The following GLIS3 variants were observed in gnomAD, a reference collection of about 807,000 sequenced individuals.
GLIS3 encodes the protein zinc finger protein GLIS3.
GLIS3 carries 53 observed loss-of-function variants against 78.6 expected under a neutral mutation model. The ratio of observed to expected loss-of-function variants is 0.67; its 90% CI spans 0.54 to 0.85. The LOEUF (loss-of-function observed/expected upper bound fraction) is 0.85, where lower values mean the gene tolerates loss of function less well. GLIS3 is among the 40% of genes least tolerant of loss of function. The probability of loss-of-function intolerance (pLI) is 0.00; values close to 1 mark genes in which losing one functional copy is unlikely to be tolerated. For synonymous variants in GLIS3, 684 were observed against 509.9 expected (o/e 1.34, Z -4.60); for missense variants, 1,703 against 1,231.1 (o/e 1.38, Z -5.74).
chr9:4,115,884 AGTGG>A, intron 4 of GLIS3, among the ~76,000 whole-genome samples: 1 of 152,322 alleles, frequency 6.6e-6, no homozygotes, highest in East Asian at 1.9e-4. Context: ...TCCACCTAGA[AGTGG>A]GGAGTGGGCA....
At chr9:4,321,234 C>A (rs1176709834) in intron 2 of GLIS3, among the ~76,000 whole-genome samples, 2 of 142,152 alleles carry the variant, frequency 1.4e-5, no homozygotes, top group African/African-American at 2.8e-5. Flanking sequence ...TCCTGGCTAA[C>A]ACGGTGAAAC....
At chr9:4,436,745 G>T in the GLIS3 span, among the ~76,000 whole-genome samples, 2 of 140,436 alleles carry the variant, frequency 1.4e-5, no homozygotes, top group Admixed American at 7.8e-5. Flanking sequence ...GGCAGATGTT[G>T]CAGTGAGCCG....
At chr9:4,163,702 G>T (rs1358491164) in intron 2 of GLIS3, among the ~76,000 whole-genome samples, 1 of 152,154 alleles carries the variant, frequency 6.6e-6, no homozygotes, top group Non-Finnish European at 1.5e-5. Flanking sequence ...TTAAATGGAG[G>T]TAATAAAAGC....
intron 2 of GLIS3, among the ~76,000 whole-genome samples, chr9:4,218,030 C>T (rs1821003094): frequency 6.6e-6 from 1 of 152,188 alleles, no homozygotes; most frequent in Non-Finnish European, 1.5e-5. Context: ...GATTCTGCTA[C>T]AAAAGAGATA....
intron 2 of GLIS3, among the ~76,000 whole-genome samples, chr9:4,283,680 T>C (rs778569698): frequency 3.3e-5 from 5 of 152,210 alleles, no homozygotes; most frequent in South Asian, 4.1e-4. Flanking sequence ...ACCCATAATA[T>C]ATGCTCAATA....
the GLIS3 span, among the ~76,000 whole-genome samples, chr9:4,385,582 T>C: frequency 6.6e-6 from 1 of 150,394 alleles, no homozygotes; most frequent in Non-Finnish European, 1.5e-5. Context: ...GGAGAAATGC[T>C]TGAACCTAGG....
chr9:4,419,724 G>A, the GLIS3 span, among the ~76,000 whole-genome samples: 2 of 152,080 alleles, frequency 1.3e-5, no homozygotes, highest in African/African-American at 2.4e-5. Context: ...AAGTTGCAGT[G>A]AGCCGAGATC....
At chr9:4,415,457 G>C in the GLIS3 span, among the ~76,000 whole-genome samples, 1 of 152,234 alleles carries the variant, frequency 6.6e-6, no homozygotes, top group African/African-American at 2.4e-5. Context: ...CTTCTAAACA[G>C]ATGGATGTTA....
In GLIS3 at chr9:3,978,861, C is replaced by G. The variant is rs544204435; in HGVS notation, c.1711-41672G>C. ...TCCACATGTGCACAAAACCAACCCT[C>G]AGATTAGAAATATTTTTTAAAAATA... On this transcript the variant is annotated intron_variant, in intron 4 of 10. Coordinates refer to ENST00000381971, the MANE Select transcript of GLIS3 (RefSeq NM_001042413.2). Among the ~76,000 whole-genome samples the G allele has an allele frequency of 3.3e-5, 5 of 152,068 alleles. No homozygotes were observed. In the South Asian group the frequency reaches 1.0e-3, roughly 32 times the overall value.
intron 4 of GLIS3, among the ~76,000 whole-genome samples, chr9:4,030,090 A>G (rs2130253650): frequency 6.6e-6 from 1 of 152,242 alleles, no homozygotes; most frequent in East Asian, 1.9e-4. Context: ...CTTTTTCTCC[A>G]CATCCTCACT....
At chr9:4,071,114 T>G (rs928473787) in intron 4 of GLIS3, 6 of 152,210 alleles carry the variant, frequency 3.9e-5, no homozygotes, top group African/African-American at 1.4e-4. Context: ...ACTCAGGAAT[T>G]AGCAATTATC....
At chr9:3,905,012 T>G (rs1269921336) in intron 6 of GLIS3, among the ~76,000 whole-genome samples, 2 of 150,808 alleles carry the variant, frequency 1.3e-5, no homozygotes, top group South Asian at 2.1e-4. Flanking sequence ...TTGCTCTGTC[T>G]CCCAGGCCGG....
intron 4 of GLIS3, among the ~76,000 whole-genome samples, chr9:3,990,545 T>C (rs1444975503): frequency 6.6e-6 from 1 of 152,182 alleles, no homozygotes; most frequent in African/African-American, 2.4e-5. Flanking sequence ...GAAGTTCCCA[T>C]TAAGTAGGAG....
intron 1 of GLIS3, among the ~76,000 whole-genome samples, chr9:4,298,050 GCGAGGGAGCGAA>G (rs1221722496): frequency 6.6e-6 from 1 of 152,172 alleles, no homozygotes; most frequent in Non-Finnish European, 1.5e-5. Context: ...GCGCGAGCGA[GCGAGGGAGCGAA>G]CGCAGCGCAA....
intron 4 of GLIS3, among the ~76,000 whole-genome samples, chr9:3,953,925 A>G (rs1394922840): frequency 1.3e-5 from 2 of 152,066 alleles, no homozygotes; most frequent in African/African-American, 2.4e-5. Flanking sequence ...TCTGTAGTAC[A>G]CCAATCAACA....
chr9:4,009,577 G>A (rs1002590597), intron 4 of GLIS3, among the ~76,000 whole-genome samples: 2 of 152,216 alleles, frequency 1.3e-5, no homozygotes, highest in African/African-American at 2.4e-5. Context: ...CCAGGTGGTT[G>A]GGGCCATGGT....
intron 2 of GLIS3, among the ~76,000 whole-genome samples, chr9:4,149,953 A>C (rs1405028884): frequency 6.6e-6 from 1 of 152,194 alleles, no homozygotes; most frequent in Non-Finnish European, 1.5e-5. Context: ...CTAACTTTTT[A>C]TTCACGAAGA....
Position 3,898,799 on chromosome 9 carries a change from T to C in GLIS3, c.2020A>G (p.Thr674Ala), listed in dbSNP as rs1388336068. The C allele has an allele frequency of 6.2e-7, 1 of 1,614,134 alleles. No individual in the cohort carries two copies. Among genetic ancestry groups the C allele is most frequent in the Non-Finnish European group, 8.5e-7 (1 of 1,180,020 alleles). The part of the protein sequence containing the change: ...SSTELHPDLL[T>A]DCLTVQSLQP... ...AGGGACTGCACGGTGAGGCAATCTG[T>C]GAGCAGGTCTGGATGGAGCTCTGTG... Residue 674 changes from threonine (T) to alanine (A), a missense_variant, in exon 7 of 11, where the codon ACA (threonine) becomes GCA (alanine). Physicochemically the swap from Thr to Ala is moderately conservative, Grantham distance 58. Transcript: ENST00000381971.
At chr9:4,312,925 G>A (rs1448526446) in intron 2 of GLIS3, among the ~76,000 whole-genome samples, 2 of 152,224 alleles carry the variant, frequency 1.3e-5, no homozygotes, top group Non-Finnish European at 2.9e-5. Context: ...TACGAGGTTG[G>A]TAACGTTAGC....
Sources: allele counts gnomAD v4.1 joint callset (sites outside exome capture counted in the v4.1 genomes callset), GRCh38; gene constraint gnomAD v4.1.1; transcripts MANE v1.5; gene names NCBI Gene and HGNC (gene_info 2026-07-23, HGNC 2026-07-21).